The following PIK3C2B variants were observed in gnomAD, a reference collection of about 807,000 sequenced individuals.
PIK3C2B encodes the protein phosphatidylinositol 4-phosphate 3-kinase C2 domain-containing subunit beta.
A neutral mutation model predicts 184.3 loss-of-function variants in PIK3C2B; 83 were observed. That is an observed-to-expected ratio of 0.45 (90% CI 0.38 to 0.54). The LOEUF (loss-of-function observed/expected upper bound fraction) is 0.54, where lower values mean the gene tolerates loss of function less well. Among genes scored for constraint, PIK3C2B ranks in the 20% least tolerant of loss-of-function variants. The pLI, the probability that PIK3C2B is intolerant of heterozygous loss-of-function variation, is 0.00. For missense variants in PIK3C2B, 1,736 were observed against 2,113.5 expected (o/e 0.82, Z 3.50); for synonymous variants, 779 against 837.6 (o/e 0.93, Z 1.21).
chr1:204,425,817 C>A, intron 31 of PIK3C2B, 76 bp from the exon 32 acceptor site: 1 of 1,398,270 alleles, frequency 7.2e-7, no homozygotes. Context: ...TGTGATCACA[C>A]TCTGATCCAG....
At chr1:204,465,172 C>CCACCCCCAA in intron 3 of PIK3C2B, 47 bp downstream of exon 3, 1 of 820,630 alleles carries the variant, frequency 1.2e-6, no homozygotes, top group Non-Finnish European at 2.1e-6. Context: ...CCCCCCTCCC[C>CCACCCCCAA]ATCCCCCATA....
At chr1:204,473,514 G>A (rs1264838371) in intron 1 of PIK3C2B, among the ~76,000 whole-genome samples, 1 of 152,236 alleles carries the variant, frequency 6.6e-6, no homozygotes, top group East Asian at 1.9e-4. Flanking sequence ...AGGAAAAGGA[G>A]GGCCTAGTGC....
rs1366517323 is a variant in PIK3C2B, at chr1:204,463,852, G to A, written c.1310+160C>T. Among the ~76,000 whole-genome samples the A allele has an allele frequency of 3.9e-5, 6 of 152,172 alleles. No homozygotes were observed. The East Asian group carries it at 1.2e-3, about 29-fold the overall frequency. ...AACCCTGCTGGAAGACAGAGCTCCT[G>A]GGGAAAGTGCTACGTGGCCGAGAGT... On this transcript the variant is annotated intron_variant, in intron 5 of 32. Transcript: ENST00000684373.
chr1:204,460,605 T>G lies in PIK3C2B; in HGVS notation c.1367A>C (p.Asp456Ala). 1 of 1,614,080 alleles carries G rather than the reference T, an allele frequency of 6.2e-7. No homozygotes were observed. The highest frequency in any genetic ancestry group is 2.2e-5 in the East Asian group (1 of 44,880). Reference sequence around the variant, plus strand: ...CTGCTCCATCAGCTGTAGCCGAATGTCAATGTCAAACTTGCGGCAGTATTG... The same window carrying G: ...CTGCTCCATCAGCTGTAGCCGAATGGCAATGTCAAACTTGCGGCAGTATTG... ...YIQYCRKFDI[D>A]IRLQLMEQKV... Residue 456 changes from aspartate (D) to alanine (A), a missense_variant, in exon 6 of 33, where the codon GAC (aspartate) becomes GCC (alanine). Asp to Ala is a moderately radical substitution (Grantham distance 126). Coordinates refer to ENST00000684373, the MANE Select transcript of PIK3C2B (RefSeq NM_001377334.1).
intron 29 of PIK3C2B, chr1:204,429,047 A>C: frequency 4.5e-5 from 15 of 332,966 alleles, no homozygotes; most frequent in East Asian, 9.1e-5. Context: ...ACATAGTAAA[A>C]CCCTGTCTTT....
rs1189401263 is a variant in PIK3C2B at position 204,452,216 on chromosome 1, G to A, written c.2067-2199C>T. ...CAGGCTGGGCTGCCTCTCTACCTCT[G>A]ATACTGTATGAGTAAAGGGTTTAAG... On this transcript the variant is annotated intron_variant, in intron 12 of 32. Transcript: ENST00000684373. Among the ~76,000 whole-genome samples the A allele has an allele frequency of 2.1e-4, 31 of 149,230 alleles. No individual in the cohort carries two copies. The Admixed American group carries it at 2.1e-3, about 10-fold the overall frequency.
chr1:204,450,563 C>G (rs1654264207), intron 12 of PIK3C2B, among the ~76,000 whole-genome samples: 1 of 152,062 alleles, frequency 6.6e-6, no homozygotes, highest in Non-Finnish European at 1.5e-5. Flanking sequence ...TCACCTAGCC[C>G]CAGGGACACA....
Position 204,450,013 on chromosome 1 carries a change from A to C in PIK3C2B, c.2071T>G (p.Cys691Gly). ...AGCCGGTTCACCTGCACTGGGAAGCAGATCCTATGGAGGACAGGAAGTCAA... is the reference window on the plus strand; with the variant it reads ...AGCCGGTTCACCTGCACTGGGAAGCCGATCCTATGGAGGACAGGAAGTCAA... ...FHLIVWDQQI[C>G]FPVQVNRLPR... The change falls in exon 13 of 33, where the codon TGC becomes GGC. Residue 691 changes from cysteine to glycine, a missense_variant. Coordinates refer to ENST00000684373, the MANE Select transcript of PIK3C2B (RefSeq NM_001377334.1). 6.4e-7 allele frequency: 1 copy of C among 1,563,844 alleles called. No homozygotes were observed. The highest frequency in any genetic ancestry group is 2.4e-5 in the East Asian group (1 of 42,412).
chr1:204,441,101 T>C (rs1675634687), intron 21 of PIK3C2B, among the ~76,000 whole-genome samples: 1 of 152,256 alleles, frequency 6.6e-6, no homozygotes, highest in Non-Finnish European at 1.5e-5. Flanking sequence ...GTTCATCTAG[T>C]TGGACCTGCA....
In PIK3C2B at chr1:204,450,179, G is replaced by C. The variant is rs138322586; in HGVS notation, c.2067-162C>G. 7.9e-4 allele frequency: 470 copies of C among 594,250 alleles called. 1 individual carries two copies. Among genetic ancestry groups the C allele is most frequent in the African/African-American group, 7.4e-3 (397 of 53,734 alleles). The allele number at this position is 594,250 out of a possible 1,614,324, so 36.8% of individuals were successfully genotyped here. On this transcript the variant is annotated intron_variant, in intron 12 of 32. Transcript: ENST00000684373. Reference sequence around the variant, plus strand: ...CCCTCCTCCTGCAGAACCAGGAGAGGTCCCAAACTAGGCAAAACCCCCACT... The same window carrying C: ...CCCTCCTCCTGCAGAACCAGGAGAGCTCCCAAACTAGGCAAAACCCCCACT...
rs1654151433 is a variant in PIK3C2B, at chr1:204,449,291, AG to A, written c.2239del (p.Leu747Ter). 6.2e-7 allele frequency: 1 copy of A among 1,608,608 alleles called. No individual in the cohort carries two copies. The highest frequency in any genetic ancestry group is 1.1e-5 in the South Asian group (1 of 89,656). On this transcript the variant is annotated frameshift_variant, in exon 14 of 33. Transcript: ENST00000684373. LOFTEE classifies it high-confidence loss of function. The stretch of plus-strand genomic sequence containing the variant: ...ACCCAGAAGCTTCCGGCCACAGGTC[AG>A]GACCCTAAGAAGGAGGGAGAGTGGG... ...TTPLFNFRQV[L>X]TCGRKLLGLW... is the part of the protein sequence containing the mutation.
intron 1 of PIK3C2B, among the ~76,000 whole-genome samples, chr1:204,493,927 C>T (rs1658184405): frequency 1.3e-5 from 2 of 152,210 alleles, no homozygotes; most frequent in Non-Finnish European, 1.5e-5. Flanking sequence ...GGCTAGATGC[C>T]GACTTCTCAC....
intron 2 of PIK3C2B, among the ~76,000 whole-genome samples, chr1:204,466,292 C>A (rs2999483): frequency 6.6e-6 from 1 of 152,106 alleles, no homozygotes; most frequent in Admixed American, 6.5e-5. Context: ...CTGTTTCTGG[C>A]GGGAGTCTAG....
chr1:204,439,876 T>C (rs1675551485), intron 22 of PIK3C2B, among the ~76,000 whole-genome samples: 1 of 152,156 alleles, frequency 6.6e-6, no homozygotes, highest in Non-Finnish European at 1.5e-5. Flanking sequence ...AATTCTCCCA[T>C]CTCAGCTTCA....
chr1:204,477,141 CAAT>C (rs745722817), intron 1 of PIK3C2B, among the ~76,000 whole-genome samples: 4 of 152,164 alleles, frequency 2.6e-5, no homozygotes, highest in East Asian at 3.8e-4. Flanking sequence ...ACATTGACAA[CAAT>C]AATATTATCT....
chr1:204,466,811 T>C, intron 2 of PIK3C2B: 1 of 529,490 alleles, frequency 1.9e-6, no homozygotes, highest in Non-Finnish European at 3.9e-6. Context: ...CACCCGATGC[T>C]GGCTGGGGGA....
chr1:204,468,901 G>C lies in PIK3C2B; in HGVS notation c.902C>G (p.Pro301Arg), dbSNP rs1225520140. ...TGCAGAAATCCGGCGGTTCTTGCCA[G>C]GCGTCGCATTCTTTCGGTTGCCATA... is the stretch of plus-strand genomic sequence containing the variant. ...SRYGNRKNAT[P>R]GKNRRISAAP... The change falls in exon 2 of 33, where the codon CCT becomes CGT. Residue 301 changes from proline to arginine, a missense_variant. By Grantham distance (103) the Pro-to-Arg change is moderately radical (BLOSUM62 -2). This residue lies in a region of PIK3C2B where 404 missense variants were observed against 418.0 expected (regional missense o/e 0.97). Transcript: ENST00000684373. The C allele has an allele frequency of 6.3e-7, 1 of 1,597,734 alleles. No individual in the cohort carries two copies. The highest frequency in any genetic ancestry group is 8.5e-7 in the Non-Finnish European group (1 of 1,170,742).
intron 12 of PIK3C2B, among the ~76,000 whole-genome samples, chr1:204,450,540 A>ATAG (rs1250758179): frequency 6.6e-6 from 1 of 151,584 alleles, no homozygotes; most frequent in Non-Finnish European, 1.5e-5. Flanking sequence ...ACTTGTCCTC[A>ATAG]TAGGAGTCCC....
chr1:204,454,531 A>T, intron 12 of PIK3C2B, 138 bp downstream of exon 12: 1 of 784,548 alleles, frequency 1.3e-6, no homozygotes, highest in Non-Finnish European at 2.0e-6. Context: ...CAAGAGGTTG[A>T]ATGACTTGTC....
Sources: allele counts gnomAD v4.1 joint callset (sites outside exome capture counted in the v4.1 genomes callset), GRCh38; gene constraint gnomAD v4.1.1; regional missense constraint gnomAD v4.1.1; transcripts MANE v1.5; gene names NCBI Gene and HGNC (gene_info 2026-07-23, HGNC 2026-07-21).